MAF: variants seen among roughly 807,000 people sequenced by gnomAD.
MAF encodes transcription factor Maf.
In MAF, 10 loss-of-function variants were observed where a neutral mutation model predicts 22.0. That is an observed-to-expected ratio of 0.45 (90% CI 0.28 to 0.77). The LOEUF (loss-of-function observed/expected upper bound fraction) is 0.77. Among genes scored for constraint, MAF ranks in the 30% least tolerant of loss-of-function variants. The pLI is 0.12. For synonymous variants in MAF, 337 were observed against 255.8 expected, an observed-to-expected ratio of 1.32 and a Z score of -3.03; for missense variants, 544 against 548.4, an observed-to-expected ratio of 0.99 and a Z score of 0.08.
At chr16:79,374,840 C>T in the MAF span, among the ~76,000 whole-genome samples, 13 of 152,194 alleles carry the variant, frequency 8.5e-5, no homozygotes, top group East Asian at 5.8e-4. Flanking sequence ...AAACACAGTC[C>T]GTAACAGACC....
At chr16:79,365,024 A>T in the MAF span, among the ~76,000 whole-genome samples, 6 of 152,212 alleles carry the variant, frequency 3.9e-5, no homozygotes, top group African/African-American at 1.4e-4. Context: ...GTAATTGGTT[A>T]AAGTGGGAAG....
chr16:79,364,510 G>A, the MAF span, among the ~76,000 whole-genome samples: 2 of 152,218 alleles, frequency 1.3e-5, no homozygotes, highest in African/African-American at 4.8e-5. Context: ...CGGGGATGAA[G>A]AAGAGTTTGG....
chr16:79,522,163 C>T, the MAF span, among the ~76,000 whole-genome samples: 1 of 152,210 alleles, frequency 6.6e-6, no homozygotes, highest in Admixed American at 6.5e-5. Flanking sequence ...CAAGAACACA[C>T]AGCTACTTAG....
the MAF span, among the ~76,000 whole-genome samples, chr16:79,352,146 C>T: frequency 6.6e-6 from 1 of 152,266 alleles, no homozygotes; most frequent in South Asian, 2.1e-4. Flanking sequence ...ACAAAATGTT[C>T]TGCCAAGAAG....
chr16:79,226,668 G>A, the MAF span, among the ~76,000 whole-genome samples: 1 of 151,542 alleles, frequency 6.6e-6, no homozygotes, highest in Admixed American at 6.6e-5. Flanking sequence ...AAAAATGAAT[G>A]AAAAAGTGCT....
At chr16:79,498,144 G>A in the MAF span, among the ~76,000 whole-genome samples, 1 of 152,182 alleles carries the variant, frequency 6.6e-6, no homozygotes, top group Non-Finnish European at 1.5e-5. Context: ...AGGCAGAGAG[G>A]AAGTGGTGGT....
the MAF span, among the ~76,000 whole-genome samples, chr16:79,239,836 A>C: frequency 2.0e-5 from 3 of 152,002 alleles, no homozygotes; most frequent in Non-Finnish European, 2.9e-5. Context: ...CAGCCATGGC[A>C]GGGGTAAGGC....
the MAF span, among the ~76,000 whole-genome samples, chr16:79,266,509 GA>G: frequency 2.0e-5 from 3 of 151,990 alleles, no homozygotes; most frequent in East Asian, 1.9e-4. Context: ...TGATAACCAA[GA>G]AAAAAACAAC....
chr16:79,442,725 A>G, the MAF span, among the ~76,000 whole-genome samples: 20 of 152,210 alleles, frequency 1.3e-4, no homozygotes, highest in African/African-American at 4.6e-4. Context: ...TCTTTTTCAT[A>G]TAAGAAATTC....
the MAF span, among the ~76,000 whole-genome samples, chr16:79,515,469 A>G: frequency 6.0e-4 from 92 of 152,328 alleles, no homozygotes; most frequent in Admixed American, 9.8e-4. Flanking sequence ...TACAAAACAG[A>G]CTTTGCGTTT....
the MAF span, among the ~76,000 whole-genome samples, chr16:79,257,057 G>C: frequency 6.6e-6 from 1 of 152,110 alleles, no homozygotes; most frequent in Non-Finnish European, 1.5e-5. Flanking sequence ...GGCGCCTGTA[G>C]TCTTGGTTAC....
chr16:79,532,814 A>G, the MAF span, among the ~76,000 whole-genome samples: 2 of 152,208 alleles, frequency 1.3e-5, no homozygotes, highest in African/African-American at 4.8e-5. Flanking sequence ...GATATCTTTG[A>G]AGGAGCACAT....
At chr16:79,580,932 G>C (rs1487267384), downstream of MAF, among the ~76,000 whole-genome samples, 1 of 152,068 alleles carries the variant, frequency 6.6e-6, no homozygotes, top group Admixed American at 6.5e-5. Flanking sequence ...CTACCCACTG[G>C]AGCAAAGAAT....
At chr16:79,361,273 A>C in the MAF span, among the ~76,000 whole-genome samples, 1 of 152,074 alleles carries the variant, frequency 6.6e-6, no homozygotes, top group Non-Finnish European at 1.5e-5. Context: ...ACTTTAATCT[A>C]CCAGCATCCA....
At chr16:79,320,501 C>G in the MAF span, among the ~76,000 whole-genome samples, 1 of 152,176 alleles carries the variant, frequency 6.6e-6, no homozygotes, top group Non-Finnish European at 1.5e-5. Flanking sequence ...GGCAGCAGCA[C>G]CTGCAGATCT....
chr16:79,596,097 C>T (rs1913507204), intron 1 of MAF: 1 of 1,062,578 alleles, frequency 9.4e-7, no homozygotes, highest in African/African-American at 1.6e-5. Flanking sequence ...GCGCAAGCCA[C>T]CTCTGATGCG....
At chr16:79,555,659 T>C in the MAF span, among the ~76,000 whole-genome samples, 3 of 152,336 alleles carry the variant, frequency 2.0e-5, no homozygotes, top group East Asian at 5.8e-4. Flanking sequence ...TGAAAGGAAA[T>C]GCTCATTGGA....
the MAF span, among the ~76,000 whole-genome samples, chr16:79,280,580 G>A: frequency 2.6e-5 from 4 of 152,146 alleles, no homozygotes; most frequent in African/African-American, 9.7e-5. Context: ...GTTTCCTAGG[G>A]CTGCTTGAAG....
At chr16:79,519,584 T>C in the MAF span, among the ~76,000 whole-genome samples, 37 of 152,304 alleles carry the variant, frequency 2.4e-4, no homozygotes, top group East Asian at 6.2e-3. Flanking sequence ...CCTTATCGCT[T>C]GTCATCGGTA....
Sources: allele counts gnomAD v4.1 joint callset (sites outside exome capture counted in the v4.1 genomes callset), GRCh38; gene constraint gnomAD v4.1.1; transcripts MANE v1.5; gene names NCBI Gene and HGNC (gene_info 2026-07-23, HGNC 2026-07-21).